The following NCKAP5 variants were observed in gnomAD, a reference collection of about 807,000 sequenced individuals.
NCKAP5 encodes the protein NCK associated protein 5.
A neutral mutation model predicts 167.0 loss-of-function variants in NCKAP5; 92 were observed. That is an observed-to-expected ratio of 0.55 (90% CI 0.47 to 0.66). The LOEUF (loss-of-function observed/expected upper bound fraction) is 0.66, where lower values mean the gene tolerates loss of function less well. NCKAP5 is among the 30% of genes least tolerant of loss of function. NCKAP5 has a pLI of 0.00. For synonymous variants in NCKAP5, 891 were observed against 877.4 expected, an observed-to-expected ratio of 1.02 and a Z score of -0.27; for missense variants, 2,378 against 2,315.0, an observed-to-expected ratio of 1.03 and a Z score of -0.56.
intron 11 of NCKAP5, 99 bp from the exon 12 acceptor site, chr2:132,796,828 C>T (rs1317960349): frequency 7.4e-6 from 6 of 812,930 alleles, no homozygotes; most frequent in Non-Finnish European, 1.2e-5. Context: ...TTGACATTTC[C>T]AGATTAGATA....
At chr2:133,476,462 A>C (rs988918962) in intron 3 of NCKAP5, among the ~76,000 whole-genome samples, 1 of 152,226 alleles carries the variant, frequency 6.6e-6, no homozygotes, top group Non-Finnish European at 1.5e-5. Context: ...GTGTAATTAA[A>C]GCTGCCGATT....
In NCKAP5 at chr2:132,776,856, G is replaced by A. The variant is rs549960731; in HGVS notation, c.5050-2962C>T. 3.3e-5 allele frequency among the ~76,000 whole-genome samples: 5 copies of A among 152,142 alleles called. No homozygotes were observed. The East Asian group carries it at 5.8e-4, about 18-fold the overall frequency. On this transcript the variant is annotated intron_variant, in intron 15 of 19. Transcript: ENST00000409261. Reference sequence around the variant, plus strand: ...GGTGGGAAGTTGTGGGAGTTTTCCCGGGAGTAAGAGGGCTGCCAGGTCAAG... The same window carrying A: ...GGTGGGAAGTTGTGGGAGTTTTCCCAGGAGTAAGAGGGCTGCCAGGTCAAG...
intron 6 of NCKAP5, among the ~76,000 whole-genome samples, chr2:133,053,189 G>A (rs1016506584): frequency 1.3e-5 from 2 of 152,120 alleles, no homozygotes; most frequent in African/African-American, 4.8e-5. Flanking sequence ...TCAGATCCTT[G>A]AAGATTCTTT....
intron 5 of NCKAP5, among the ~76,000 whole-genome samples, chr2:133,138,315 G>A (rs971116061): frequency 2.6e-5 from 4 of 152,054 alleles, no homozygotes; most frequent in African/African-American, 9.7e-5. Flanking sequence ...AACAAATTTT[G>A]GGATCCTACC....
intron 3 of NCKAP5, among the ~76,000 whole-genome samples, chr2:133,397,326 G>T (rs145728922): frequency 1.3e-5 from 2 of 152,144 alleles, no homozygotes; most frequent in South Asian, 2.1e-4. Context: ...CCATTTGATC[G>T]CAAGCTCTTG....
chr2:133,005,684 T>C (rs2077941397), intron 6 of NCKAP5, among the ~76,000 whole-genome samples: 1 of 152,180 alleles, frequency 6.6e-6, no homozygotes, highest in Non-Finnish European at 1.5e-5. Context: ...TGGGGATAGA[T>C]CTTTACAGCT....
chr2:133,162,173 T>A (rs769293303), intron 5 of NCKAP5, among the ~76,000 whole-genome samples: 6 of 152,242 alleles, frequency 3.9e-5, no homozygotes, highest in Non-Finnish European at 2.9e-5. Context: ...AAAAAGGATG[T>A]TCTACATAAA....
At chr2:133,076,049 G>A (rs2080589219) in intron 6 of NCKAP5, among the ~76,000 whole-genome samples, 1 of 152,122 alleles carries the variant, frequency 6.6e-6, no homozygotes, top group Non-Finnish European at 1.5e-5. Flanking sequence ...GTTGGGCAAT[G>A]TTTGTCTTGT....
intron 2 of NCKAP5, among the ~76,000 whole-genome samples, chr2:133,542,004 A>C (rs1575128685): frequency 6.6e-6 from 1 of 152,138 alleles, no homozygotes; most frequent in Non-Finnish European, 1.5e-5. Context: ...TGCACACTTG[A>C]CTCACTTCAG....
At chr2:133,145,417 T>C (rs1028851605) in intron 5 of NCKAP5, among the ~76,000 whole-genome samples, 2 of 152,046 alleles carry the variant, frequency 1.3e-5, no homozygotes, top group Non-Finnish European at 2.9e-5. Context: ...AGATGATGGA[T>C]TGATGGGTGC....
chr2:133,190,017 A>G (rs2085139316), intron 5 of NCKAP5, among the ~76,000 whole-genome samples: 1 of 152,206 alleles, frequency 6.6e-6, no homozygotes, highest in South Asian at 2.1e-4. Flanking sequence ...TTGTATATTT[A>G]GAAAACCCCA....
intron 3 of NCKAP5, among the ~76,000 whole-genome samples, chr2:133,498,785 C>T (rs1682208655): frequency 6.6e-6 from 1 of 152,174 alleles, no homozygotes; most frequent in Non-Finnish European, 1.5e-5. Flanking sequence ...TGCTGACCTG[C>T]AGGTGTAGAG....
chr2:133,179,395 A>C (rs1183987263), intron 5 of NCKAP5, among the ~76,000 whole-genome samples: 1 of 152,152 alleles, frequency 6.6e-6, no homozygotes, highest in African/African-American at 2.4e-5. Context: ...TTTTAGGAAT[A>C]GGGATGTTTA....
chr2:133,464,341 AC>A (rs1692399444), intron 3 of NCKAP5, among the ~76,000 whole-genome samples: 2 of 152,298 alleles, frequency 1.3e-5, no homozygotes, highest in South Asian at 4.1e-4. Flanking sequence ...TAGAAATGGC[AC>A]CTATCATAGT....
intron 5 of NCKAP5, among the ~76,000 whole-genome samples, chr2:133,170,313 T>G (rs568411601): frequency 6.6e-6 from 1 of 152,198 alleles, no homozygotes; most frequent in Admixed American, 6.5e-5. Context: ...CCTGGGCAAG[T>G]TATTTAACCC....
intron 3 of NCKAP5, among the ~76,000 whole-genome samples, chr2:133,383,735 T>C (rs1463229353): frequency 1.3e-5 from 2 of 152,230 alleles, no homozygotes; most frequent in Non-Finnish European, 2.9e-5. Context: ...TGTTATTTCC[T>C]GACTTTTTAA....
chr2:132,812,549 G>A (rs1685959644), intron 11 of NCKAP5, among the ~76,000 whole-genome samples: 1 of 152,138 alleles, frequency 6.6e-6, no homozygotes, highest in South Asian at 2.1e-4. Flanking sequence ...GCATCAAGGT[G>A]CTCATCAGAC....
intron 3 of NCKAP5, among the ~76,000 whole-genome samples, chr2:133,436,969 G>A (rs1559483690): frequency 6.6e-6 from 1 of 152,108 alleles, no homozygotes; most frequent in Admixed American, 6.5e-5. Context: ...TTGTAAGATT[G>A]TTGAGGTCAG....
At chr2:132,924,663 T>C (rs1405137472) in intron 8 of NCKAP5, among the ~76,000 whole-genome samples, 1 of 152,158 alleles carries the variant, frequency 6.6e-6, no homozygotes, top group East Asian at 1.9e-4. Flanking sequence ...ATGGATTAGA[T>C]TATGAAAGGT....
Sources: allele counts gnomAD v4.1 joint callset (sites outside exome capture counted in the v4.1 genomes callset), GRCh38; gene constraint gnomAD v4.1.1; transcripts MANE v1.5; gene names NCBI Gene and HGNC (gene_info 2026-07-23, HGNC 2026-07-21).